The following GSG1L variants were observed in gnomAD, a reference collection of about 807,000 sequenced individuals.
GSG1L encodes the protein GSG1 like, also known as germ cell-specific gene 1-like protein.
GSG1L carries 24 observed loss-of-function variants against 42.1 expected under a neutral mutation model. That is an observed-to-expected ratio of 0.57 (90% confidence interval 0.41 to 0.80). The LOEUF (loss-of-function observed/expected upper bound fraction) is 0.80. Among genes scored for constraint, GSG1L ranks in the 30% least tolerant of loss-of-function variants. GSG1L has a pLI of 0.00. For synonymous variants in GSG1L, 215 were observed against 203.5 expected (o/e 1.06, Z -0.48); for missense variants, 445 against 472.2 (o/e 0.94, Z 0.53).
At chr16:27,832,370 A>C (rs1159196926) in intron 4 of GSG1L, among the ~76,000 whole-genome samples, 2 of 152,216 alleles carry the variant, frequency 1.3e-5, no homozygotes, top group African/African-American at 4.8e-5. Context: ...TTATAGCTAC[A>C]GCCACTTCCC....
At chr16:27,881,944 G>T (rs1272809646) in intron 3 of GSG1L, among the ~76,000 whole-genome samples, 3 of 151,982 alleles carry the variant, frequency 2.0e-5, no homozygotes, top group Non-Finnish European at 2.9e-5. Flanking sequence ...CTCCTGGTTG[G>T]CCTCCCCACC....
chr16:27,807,972 C>T (rs769656047), intron 5 of GSG1L, among the ~76,000 whole-genome samples: 18 of 152,214 alleles, frequency 1.2e-4, no homozygotes, highest in East Asian at 3.8e-4. Flanking sequence ...AAAAAGTTAA[C>T]GGTGATTATC....
chr16:27,816,428 G>C (rs118107256), intron 5 of GSG1L, among the ~76,000 whole-genome samples: 2 of 152,302 alleles, frequency 1.3e-5, no homozygotes, highest in East Asian at 3.9e-4. Context: ...CTAAGTGTGA[G>C]TAGATGCTGT....
At chr16:27,844,265 A>G (rs1033718265) in intron 4 of GSG1L, among the ~76,000 whole-genome samples, 1 of 152,146 alleles carries the variant, frequency 6.6e-6, no homozygotes, top group East Asian at 1.9e-4. Flanking sequence ...TTGGGATTCT[A>G]TCACTCAAAA....
intron 2 of GSG1L, among the ~76,000 whole-genome samples, chr16:27,911,280 T>TCTCTCTCTCTCTCCC (rs1555507790): frequency 6.9e-6 from 1 of 144,180 alleles, no homozygotes; most frequent in Non-Finnish European, 1.5e-5. Context: ...TCTCTCTCTC[T>TCTCTCTCTCTCTCCC]CTCTCTCTCT....
intron 6 of GSG1L, among the ~76,000 whole-genome samples, chr16:27,800,165 G>T (rs1240127818): frequency 6.6e-6 from 1 of 152,172 alleles, no homozygotes; most frequent in African/African-American, 2.4e-5. Flanking sequence ...AATTGGCATT[G>T]ATATTTATTT....
At chr16:27,936,211 C>CTGAGGCTTTCACT (rs1432365545) in intron 2 of GSG1L, among the ~76,000 whole-genome samples, 2 of 152,052 alleles carry the variant, frequency 1.3e-5, no homozygotes, top group Admixed American at 6.5e-5. Context: ...AGGAAGGGGA[C>CTGAGGCTTTCACT]TGAGGCTTTC....
chr16:27,792,302 C>A (rs2082764518), intron 6 of GSG1L, among the ~76,000 whole-genome samples: 1 of 152,146 alleles, frequency 6.6e-6, no homozygotes, highest in Non-Finnish European at 1.5e-5. Flanking sequence ...TGGGTGTGCC[C>A]TAAGCTGACT....
At chr16:27,988,879 C>T (rs2085420676) in intron 1 of GSG1L, among the ~76,000 whole-genome samples, 1 of 151,264 alleles carries the variant, frequency 6.6e-6, no homozygotes, top group African/African-American at 2.4e-5. Context: ...ATGGTGAAAC[C>T]CCGTCTCTAC....
intron 1 of GSG1L, among the ~76,000 whole-genome samples, chr16:27,996,985 C>A (rs1346729020): frequency 2.6e-5 from 4 of 152,126 alleles, no homozygotes; most frequent in Non-Finnish European, 4.4e-5. Context: ...TGGTCTCGAA[C>A]TTCTGACTTC....
At chr16:27,848,746 A>G (rs542513642) in intron 3 of GSG1L, among the ~76,000 whole-genome samples, 27 of 151,708 alleles carry the variant, frequency 1.8e-4, no homozygotes, top group African/African-American at 6.0e-4. Flanking sequence ...GGTTAGGGAG[A>G]GCATCTCAGA....
chr16:28,052,940 C>T (rs1444094428), intron 1 of GSG1L, among the ~76,000 whole-genome samples: 2 of 152,366 alleles, frequency 1.3e-5, no homozygotes, highest in Non-Finnish European at 1.5e-5. Context: ...CTCTATGCCC[C>T]TTCCAGGACC....
At chr16:28,045,413 C>T (rs1441502765) in intron 1 of GSG1L, among the ~76,000 whole-genome samples, 2 of 152,200 alleles carry the variant, frequency 1.3e-5, no homozygotes, top group Admixed American at 6.5e-5. Context: ...CGGTGGCTCA[C>T]GCCTGTAATT....
chr16:27,941,389 G>A (rs1177813640), intron 2 of GSG1L, among the ~76,000 whole-genome samples: 1 of 151,128 alleles, frequency 6.6e-6, no homozygotes, highest in Non-Finnish European at 1.5e-5. Flanking sequence ...TGACACAATG[G>A]GCTGGGCGCA....
intron 3 of GSG1L, among the ~76,000 whole-genome samples, chr16:27,880,036 A>G (rs377268985): frequency 1.3e-5 from 2 of 151,996 alleles, no homozygotes; most frequent in African/African-American, 4.8e-5. Context: ...TCAGAGCCCA[A>G]CCTCTCCCCA....
chr16:27,855,613 G>A (rs1157166842), intron 3 of GSG1L, among the ~76,000 whole-genome samples: 5 of 151,466 alleles, frequency 3.3e-5, no homozygotes, highest in Admixed American at 2.0e-4. Flanking sequence ...CCAGCTACTC[G>A]GGAACCTGAG....
intron 1 of GSG1L, among the ~76,000 whole-genome samples, chr16:27,977,321 G>C (rs201945815): frequency 6.6e-6 from 1 of 152,044 alleles, no homozygotes; most frequent in African/African-American, 2.4e-5. Context: ...TAGCTCATTC[G>C]TGTAATCCCA....
intron 2 of GSG1L, among the ~76,000 whole-genome samples, chr16:27,939,889 T>C (rs1236430352): frequency 2.0e-5 from 3 of 152,020 alleles, no homozygotes; most frequent in African/African-American, 4.8e-5. Context: ...CTATGTTGCC[T>C]GGGCTGGTCT....
At chr16:27,975,532 G>A (rs1047380220) in intron 1 of GSG1L, among the ~76,000 whole-genome samples, 7 of 152,196 alleles carry the variant, frequency 4.6e-5, no homozygotes, top group Non-Finnish European at 1.0e-4. Flanking sequence ...TCTACAGGAC[G>A]TGCAGGGGAC....
Sources: allele counts gnomAD v4.1 joint callset (sites outside exome capture counted in the v4.1 genomes callset), GRCh38; gene constraint gnomAD v4.1.1; transcripts MANE v1.5; gene names NCBI Gene and HGNC (gene_info 2026-07-23, HGNC 2026-07-21).